The following IMMP2L variants were observed in gnomAD, a reference collection of about 807,000 sequenced individuals.
IMMP2L encodes the protein mitochondrial inner membrane protease subunit 2.
In IMMP2L, 18 loss-of-function variants were observed where a neutral mutation model predicts 19.3. The ratio of observed to expected loss-of-function variants is 0.93; its 90% CI spans 0.64 to 1.38. IMMP2L has a LOEUF of 1.38. Ranked by LOEUF, IMMP2L falls within the 40% of genes most tolerant of loss-of-function variation. The pLI, the probability that IMMP2L is intolerant of heterozygous loss-of-function variation, is 0.00. For missense variants in IMMP2L, 233 were observed against 218.2 expected (o/e 1.07, Z -0.43); for synonymous variants, 76 against 73.0 (o/e 1.04, Z -0.21).
intron 5 of IMMP2L, among the ~76,000 whole-genome samples, chr7:110,851,453 C>T (rs1233665696): frequency 5.3e-5 from 8 of 152,128 alleles, no homozygotes; most frequent in African/African-American, 1.9e-4. Context: ...ATTACTCTCC[C>T]TTCCTTCCTT....
At chr7:111,459,185 A>G (rs1427271327) in intron 3 of IMMP2L, among the ~76,000 whole-genome samples, 2 of 152,166 alleles carry the variant, frequency 1.3e-5, no homozygotes, top group Non-Finnish European at 2.9e-5. Context: ...TGATTTTTCA[A>G]TATTACAAAG....
intron 3 of IMMP2L, among the ~76,000 whole-genome samples, chr7:111,263,708 C>G (rs1266315185): frequency 6.6e-6 from 1 of 151,964 alleles, no homozygotes. Context: ...GAACTGATAC[C>G]TAGGGTGCTC....
chr7:110,901,184 G>C (rs1397325791), intron 4 of IMMP2L, among the ~76,000 whole-genome samples: 1 of 151,838 alleles, frequency 6.6e-6, no homozygotes. Flanking sequence ...TCTATCCACT[G>C]TTTACCTGAT....
intron 4 of IMMP2L, among the ~76,000 whole-genome samples, chr7:110,907,267 G>C (rs2129547918): frequency 6.6e-6 from 1 of 152,172 alleles, no homozygotes; most frequent in South Asian, 2.1e-4. Flanking sequence ...AACTGAATTT[G>C]GTAAATTTAG....
At chr7:111,004,789 T>G (rs566391311) in intron 3 of IMMP2L, among the ~76,000 whole-genome samples, 1 of 152,198 alleles carries the variant, frequency 6.6e-6, no homozygotes, top group African/African-American at 2.4e-5. Flanking sequence ...TGTTACTGTA[T>G]GCTATGTGGA....
Position 111,121,502 on chromosome 7 carries a change from G to A in IMMP2L, c.240-157937C>T, listed in dbSNP as rs185046397. ...AAATGATCATCATCACTGGCCATCA[G>A]AGAAATGCAAATCAAAACCACAATG... On this transcript the variant is annotated intron_variant, in intron 3 of 5. Transcript: ENST00000405709. Among the ~76,000 whole-genome samples the A allele has an allele frequency of 2.5e-3, 377 of 152,282 alleles. 3 individuals carry two copies. Among genetic ancestry groups the A allele is most frequent in the Middle Eastern group, 0.02 (6 of 294 alleles).
intron 5 of IMMP2L, among the ~76,000 whole-genome samples, chr7:110,690,678 T>A (rs956356685): frequency 6.6e-6 from 1 of 152,002 alleles, no homozygotes; most frequent in Non-Finnish European, 1.5e-5. Context: ...TAGCTGAGAA[T>A]CAAATGAAGA....
chr7:110,821,244 G>T (rs1479481977), intron 5 of IMMP2L, among the ~76,000 whole-genome samples: 1 of 152,012 alleles, frequency 6.6e-6, no homozygotes, highest in Admixed American at 6.6e-5. Context: ...GATAGTCAAC[G>T]GCTGATATTA....
chr7:111,442,300 T>C (rs1837824531), intron 3 of IMMP2L, among the ~76,000 whole-genome samples: 1 of 151,862 alleles, frequency 6.6e-6, no homozygotes, highest in African/African-American at 2.4e-5. Flanking sequence ...CTACACTAAG[T>C]ATAGTTCTAC....
intron 3 of IMMP2L, among the ~76,000 whole-genome samples, chr7:111,387,975 T>TAAAAAAAAAAAA (rs750267136): frequency 5.7e-4 from 53 of 93,396 alleles, no homozygotes; most frequent in African/African-American, 2.4e-3. Context: ...ACTCTGTCTT[T>TAAAAAAAAAAAA]AAAAAAAAAA....
intron 3 of IMMP2L, among the ~76,000 whole-genome samples, chr7:111,018,984 T>C (rs553663961): frequency 3.3e-5 from 5 of 152,168 alleles, no homozygotes; most frequent in African/African-American, 9.6e-5. Flanking sequence ...AGTGAACATA[T>C]TCAAGCTAGC....
chr7:111,407,832 G>C (rs1481501397), intron 3 of IMMP2L, among the ~76,000 whole-genome samples: 1 of 151,878 alleles, frequency 6.6e-6, no homozygotes, highest in African/African-American at 2.4e-5. Context: ...ACATAAAAAA[G>C]AAAAATAAAT....
chr7:111,453,887 A>G (rs1283341348), intron 3 of IMMP2L, among the ~76,000 whole-genome samples: 3 of 152,208 alleles, frequency 2.0e-5, no homozygotes, highest in African/African-American at 7.2e-5. Flanking sequence ...TAATGGATCA[A>G]TGAGTATTTC....
At chr7:111,155,564 T>G (rs962372441) in intron 3 of IMMP2L, among the ~76,000 whole-genome samples, 4 of 152,030 alleles carry the variant, frequency 2.6e-5, no homozygotes, top group African/African-American at 7.2e-5. Context: ...CTAGAAAGCC[T>G]TGCATTTATA....
intron 5 of IMMP2L, among the ~76,000 whole-genome samples, chr7:110,776,736 C>G (rs1417508922): frequency 6.6e-6 from 1 of 151,876 alleles, no homozygotes; most frequent in Non-Finnish European, 1.5e-5. Flanking sequence ...TAGAAAGTAC[C>G]AATATTTCTT....
chr7:110,811,895 C>T (rs1462143796), intron 5 of IMMP2L, among the ~76,000 whole-genome samples: 4 of 151,998 alleles, frequency 2.6e-5, no homozygotes, highest in Non-Finnish European at 5.9e-5. Context: ...TCCTAACCCT[C>T]TGGCCACAGT....
chr7:111,436,145 G>A (rs1837144101), intron 3 of IMMP2L, among the ~76,000 whole-genome samples: 1 of 151,730 alleles, frequency 6.6e-6, no homozygotes. Flanking sequence ...TATGTACTGG[G>A]CAGTCCAATG....
chr7:111,166,784 C>T (rs183519956), intron 3 of IMMP2L, among the ~76,000 whole-genome samples: 7 of 152,062 alleles, frequency 4.6e-5, no homozygotes, highest in African/African-American at 1.7e-4. Flanking sequence ...TGGTTTGAGG[C>T]TGCATCACTT....
intron 3 of IMMP2L, among the ~76,000 whole-genome samples, chr7:111,291,210 A>G (rs1482365968): frequency 6.6e-6 from 1 of 152,156 alleles, no homozygotes; most frequent in Non-Finnish European, 1.5e-5. Flanking sequence ...ATCAGAAAAG[A>G]TCTTTTGAGG....
Sources: gnomAD v4.1 joint callset for allele counts (sites outside exome capture counted in the v4.1 genomes callset) on GRCh38, gnomAD v4.1.1 for gene constraint, MANE v1.5 for transcripts, NCBI Gene and HGNC (gene_info 2026-07-23, HGNC 2026-07-21) for gene names.